PPARG: variants seen among roughly 807,000 people sequenced by gnomAD.
PPARG encodes the protein peroxisome proliferator activated receptor gamma.
In PPARG, 17 loss-of-function variants were observed where a neutral mutation model predicts 39.2. The ratio of observed to expected loss-of-function variants is 0.43; its 90% CI spans 0.30 to 0.65. PPARG has a LOEUF of 0.65. PPARG is among the 30% of genes least tolerant of loss of function. The pLI is 0.13. For missense variants in PPARG, 406 were observed against 585.9 expected (o/e 0.69, Z 3.17); for synonymous variants, 223 against 215.7 (o/e 1.03, Z -0.30).
At chr3:12,317,358 A>G (rs779697336) in intron 2 of PPARG, among the ~76,000 whole-genome samples, 1 of 152,190 alleles carries the variant, frequency 6.6e-6, no homozygotes, top group Non-Finnish European at 1.5e-5. Flanking sequence ...AAAGATCACA[A>G]CCACACAAAA....
At position 12,310,458 on chromosome 3, in the gene PPARG, C is replaced by CTTTT. The variant is rs1204347882; in HGVS notation, c.-82-1902_-82-1899dup. On this transcript the variant is annotated intron_variant, in intron 1 of 7. Transcript: ENST00000651735. ...ACCTTTGTTTTCACGTATTTGAGCC[C>CTTTT]TTTTTTTTTTTTTTTTTTTTTTTGA... Among the ~76,000 whole-genome samples the CTTTT allele has an allele frequency of 8.9e-4, 62 of 69,894 alleles. 2 individuals carry two copies. The highest frequency in any genetic ancestry group is 2.0e-3 in the South Asian group (3 of 1,474). 45.9% of individuals were successfully genotyped at this position (69,894 alleles called of 152,430 possible).
rs145925010 is a variant in PPARG at position 12,332,956 on chromosome 3, G to A, written c.-9+20503G>A. 8.9e-3 allele frequency among the ~76,000 whole-genome samples: 1,353 copies of A among 152,206 alleles called. 7 individuals are homozygous for A. The highest frequency in any genetic ancestry group is 0.013 in the Non-Finnish European group (900 of 67,998). ...GGCTGAGGGAGGATCGCTTGAGCCC[G>A]GGAGGTCCAGGCTCCAGTGAGCCAT... On this transcript the variant is annotated intron_variant, in intron 2 of 7. Coordinates refer to ENST00000651735, the MANE Select transcript of PPARG (RefSeq NM_138711.6).
At chr3:12,401,861 G>C (rs1347224205) in intron 5 of PPARG, among the ~76,000 whole-genome samples, 1 of 152,086 alleles carries the variant, frequency 6.6e-6, no homozygotes, top group African/African-American at 2.4e-5. Flanking sequence ...TTAGCCTTTG[G>C]GGGGAACTTC....
At chr3:12,418,976 C>G (rs1237651318) in intron 7 of PPARG, among the ~76,000 whole-genome samples, 1 of 152,156 alleles carries the variant, frequency 6.6e-6, no homozygotes, top group African/African-American at 2.4e-5. Context: ...CGAAGTCTCA[C>G]TCTTGTTGCC....
intron 2 of PPARG, among the ~76,000 whole-genome samples, chr3:12,350,519 A>G (rs924613993): frequency 6.6e-6 from 1 of 152,212 alleles, no homozygotes; most frequent in African/African-American, 2.4e-5. Flanking sequence ...GGCGTCTTTG[A>G]AAGTCCGCAA....
At chr3:12,410,575 A>C (rs1481341649) in intron 6 of PPARG, among the ~76,000 whole-genome samples, 1 of 152,204 alleles carries the variant, frequency 6.6e-6, no homozygotes, top group Non-Finnish European at 1.5e-5. Flanking sequence ...GCTATATTGG[A>C]CTTTGGGTTC....
intron 7 of PPARG, among the ~76,000 whole-genome samples, chr3:12,417,846 A>G (rs1050089486): frequency 1.3e-5 from 2 of 148,658 alleles, no homozygotes; most frequent in African/African-American, 2.5e-5. Context: ...CAATTCCAAA[A>G]GCCAGATTTT....
intron 4 of PPARG, among the ~76,000 whole-genome samples, chr3:12,386,820 T>A (rs761645275): frequency 2.0e-5 from 3 of 152,158 alleles, no homozygotes; most frequent in Non-Finnish European, 4.4e-5. Context: ...GCTGAACCCA[T>A]CAACTTGTCA....
At chr3:12,318,818 G>T (rs1475359590) in intron 2 of PPARG, among the ~76,000 whole-genome samples, 1 of 151,796 alleles carries the variant, frequency 6.6e-6, no homozygotes, top group Non-Finnish European at 1.5e-5. Context: ...GTTCCATGGG[G>T]CAAAAGGAAA....
rs180917591 is a variant in PPARG at position 12,295,206 on chromosome 3, G to A, written c.-83+6072G>A. ...TTTCCGTCAGTTGATAATTACCTGT[G>A]TAAACAAGCTTTTGACTGCATCTAG... On this transcript the variant is annotated intron_variant, in intron 1 of 7. Transcript: ENST00000651735. Among the ~76,000 whole-genome samples the A allele has an allele frequency of 2.7e-4, 41 of 152,246 alleles. No homozygotes were observed. In the East Asian group the frequency reaches 7.1e-3, roughly 27 times the overall value.
intron 2 of PPARG, among the ~76,000 whole-genome samples, chr3:12,355,092 C>T (rs1559505008): frequency 6.6e-6 from 1 of 152,106 alleles, no homozygotes. Context: ...GTTTTTCGTA[C>T]ACTGAAGTAG....
intron 5 of PPARG, among the ~76,000 whole-genome samples, chr3:12,400,696 C>T (rs897902521): frequency 6.6e-6 from 1 of 152,116 alleles, no homozygotes; most frequent in African/African-American, 2.4e-5. Flanking sequence ...TTTTTTTGAG[C>T]CTCAAAAACT....
At chr3:12,324,183 G>A (rs1329478719) in intron 2 of PPARG, among the ~76,000 whole-genome samples, 1 of 152,110 alleles carries the variant, frequency 6.6e-6, no homozygotes, top group Admixed American at 6.5e-5. Context: ...GGAGGCTGAG[G>A]CAGGAAAATC....
At chr3:12,347,783 ATGTGC>A (rs2048370149) in intron 2 of PPARG, among the ~76,000 whole-genome samples, 1 of 152,154 alleles carries the variant, frequency 6.6e-6, no homozygotes, top group Non-Finnish European at 1.5e-5. Context: ...TGTGATATGG[ATGTGC>A]TGTTCTTTCA....
chr3:12,319,220 C>T lies in PPARG; in HGVS notation c.-9+6767C>T, dbSNP rs147392941. 2.0e-3 allele frequency among the ~76,000 whole-genome samples: 307 copies of T among 152,318 alleles called. 4 individuals are homozygous for T. Among genetic ancestry groups the T allele is most frequent in the African/African-American group, 7.2e-3 (298 of 41,580 alleles). ...AGATGTATGTTTCCCTAAGTTTGCT[C>T]ACTATAATTTGTGATTGCTATTTTT... On this transcript the variant is annotated intron_variant, in intron 2 of 7. Transcript: ENST00000651735.
At chr3:12,382,541 T>C (rs547292522) in intron 4 of PPARG, among the ~76,000 whole-genome samples, 21 of 152,342 alleles carry the variant, frequency 1.4e-4, no homozygotes, top group African/African-American at 4.8e-4. Context: ...TTAGGACATC[T>C]TGGTTCCTAA....
intron 6 of PPARG, among the ~76,000 whole-genome samples, chr3:12,412,337 G>A (rs909567284): frequency 6.6e-6 from 1 of 151,568 alleles, no homozygotes; most frequent in East Asian, 1.9e-4. Context: ...CATTGTCTTT[G>A]TATTCTACAT....
intron 1 of PPARG, among the ~76,000 whole-genome samples, chr3:12,303,202 C>CT (rs529237062): frequency 2.8e-3 from 400 of 145,336 alleles, no homozygotes; most frequent in Admixed American, 4.1e-3. Context: ...GTAGGGCAGT[C>CT]TTTTTTTTTT....
At chr3:12,433,809 C>T in intron 7 of PPARG, 89 bp from the exon 8 acceptor site, 1 of 1,584,526 alleles carries the variant, frequency 6.3e-7, no homozygotes, top group Admixed American at 1.7e-5. Context: ...AGATGAGTTG[C>T]TTGGTAGAGC....
Sources: allele counts gnomAD v4.1 joint callset (sites outside exome capture counted in the v4.1 genomes callset), GRCh38; gene constraint gnomAD v4.1.1; transcripts MANE v1.5; gene names NCBI Gene and HGNC (gene_info 2026-07-23, HGNC 2026-07-21).